Variants in FHIT observed in about 807,000 individuals in gnomAD.
FHIT encodes the protein fragile histidine triad diadenosine triphosphatase.
In FHIT, 19 loss-of-function variants were observed where a neutral mutation model predicts 17.9. That is an observed-to-expected ratio of 1.06 (90% CI 0.74 to 1.56). FHIT has a LOEUF of 1.56. Among genes scored for constraint, FHIT ranks in the 40% most tolerant of loss-of-function variants. The pLI, the probability that FHIT is intolerant of heterozygous loss-of-function variation, is 0.00. For synonymous variants in FHIT, 81 were observed against 69.7 expected (o/e 1.16, Z -0.81); for missense variants, 248 against 189.2 (o/e 1.31, Z -1.82).
Position 60,126,861 on chromosome 3 carries a change from A to G in FHIT, c.104-112709T>C, listed in dbSNP as rs183174992. Among the ~76,000 whole-genome samples the G allele has an allele frequency of 2.9e-4, 44 of 152,292 alleles. No individual in the cohort carries two copies. The East Asian group carries it at 8.3e-3, about 29-fold the overall frequency. On this transcript the variant is annotated intron_variant, in intron 5 of 9. Coordinates refer to ENST00000492590, the MANE Select transcript of FHIT (RefSeq NM_002012.4). The stretch of plus-strand genomic sequence containing the variant: ...GACCTGAAATGTGCCCTCTTATCAT[A>G]TCTACTCACCAACTGGCTTGTGAGT...
intron 5 of FHIT, among the ~76,000 whole-genome samples, chr3:60,454,399 T>C (rs897582622): frequency 1.2e-4 from 18 of 151,616 alleles, no homozygotes; most frequent in South Asian, 4.2e-4. Flanking sequence ...TTTTTTTTTT[T>C]CTTGAGACAG....
At chr3:60,343,696 T>C (rs933882432) in intron 5 of FHIT, among the ~76,000 whole-genome samples, 1 of 152,216 alleles carries the variant, frequency 6.6e-6, no homozygotes, top group African/African-American at 2.4e-5. Context: ...TATCACTATC[T>C]ATAGTAGAAT....
At chr3:60,035,983 C>T (rs1338197452) in intron 5 of FHIT, among the ~76,000 whole-genome samples, 1 of 152,192 alleles carries the variant, frequency 6.6e-6, no homozygotes, top group African/African-American at 2.4e-5. Context: ...ATCTCTGGCA[C>T]TCTGATATCC....
At chr3:60,085,449 T>A (rs1220285151) in intron 5 of FHIT, among the ~76,000 whole-genome samples, 1 of 152,156 alleles carries the variant, frequency 6.6e-6, no homozygotes, top group Non-Finnish European at 1.5e-5. Flanking sequence ...AACTGATGCA[T>A]GTGTATATAT....
chr3:60,561,418 C>T (rs1027925387), intron 4 of FHIT, among the ~76,000 whole-genome samples: 2 of 151,834 alleles, frequency 1.3e-5, no homozygotes, highest in African/African-American at 2.4e-5. Flanking sequence ...TTACAAGTCG[C>T]TATTGATAGA....
intron 5 of FHIT, among the ~76,000 whole-genome samples, chr3:60,067,229 G>A (rs1423106868): frequency 2.0e-5 from 3 of 152,160 alleles, no homozygotes; most frequent in South Asian, 4.2e-4. Flanking sequence ...CTAAAAAATG[G>A]CACTTATAGA....
intron 5 of FHIT, among the ~76,000 whole-genome samples, chr3:60,236,974 T>C (rs555958936): frequency 7.2e-5 from 11 of 152,262 alleles, no homozygotes; most frequent in South Asian, 6.2e-4. Context: ...ATCTCAGAGA[T>C]AGATAGTCCC....
chr3:60,120,490 C>A (rs1226664061), intron 5 of FHIT, among the ~76,000 whole-genome samples: 2 of 152,180 alleles, frequency 1.3e-5, no homozygotes, highest in Admixed American at 6.5e-5. Flanking sequence ...GAAGCACAAT[C>A]TTCCTGCTCC....
At chr3:60,155,803 C>G (rs905750521) in intron 5 of FHIT, among the ~76,000 whole-genome samples, 2 of 152,094 alleles carry the variant, frequency 1.3e-5, no homozygotes, top group Non-Finnish European at 2.9e-5. Context: ...GTAACAAACA[C>G]ATGTCAAGGG....
At chr3:61,188,036 G>A (rs913812917) in intron 2 of FHIT, among the ~76,000 whole-genome samples, 1 of 152,116 alleles carries the variant, frequency 6.6e-6, no homozygotes, top group Non-Finnish European at 1.5e-5. Flanking sequence ...AGAAGCAAGA[G>A]CAAACACATT....
intron 7 of FHIT, among the ~76,000 whole-genome samples, chr3:59,932,899 AT>A (rs912738832): frequency 2.0e-5 from 3 of 152,056 alleles, no homozygotes; most frequent in African/African-American, 7.2e-5. Flanking sequence ...CCTATCTCTA[AT>A]TTTTTGCTCC....
At chr3:60,219,794 A>G (rs1283589761) in intron 5 of FHIT, among the ~76,000 whole-genome samples, 1 of 151,978 alleles carries the variant, frequency 6.6e-6, no homozygotes, top group Non-Finnish European at 1.5e-5. Flanking sequence ...TTAGGCTAAC[A>G]CCCCTTCTAA....
At chr3:59,961,189 G>A (rs1020211922) in intron 7 of FHIT, among the ~76,000 whole-genome samples, 1 of 152,022 alleles carries the variant, frequency 6.6e-6, no homozygotes, top group Non-Finnish European at 1.5e-5. Context: ...TCTCATCTTC[G>A]ATCTTACTGC....
chr3:60,124,817 G>A (rs1351913626), intron 5 of FHIT, among the ~76,000 whole-genome samples: 2 of 152,078 alleles, frequency 1.3e-5, no homozygotes, highest in African/African-American at 2.4e-5. Context: ...TGACTCTCTC[G>A]ACTTTGCTCC....
rs561268701 is a variant in FHIT, at chr3:61,175,281, A to G, written c.-164+25336T>C. On this transcript the variant is annotated intron_variant, in intron 2 of 9. Transcript: ENST00000492590. ...GTATTCTCTCCTGAAGAAATACCAGATAGGTAAAATATACTCCCGAGCCAC... is the reference window on the plus strand; with the variant it reads ...GTATTCTCTCCTGAAGAAATACCAGGTAGGTAAAATATACTCCCGAGCCAC... Among the ~76,000 whole-genome samples the G allele has an allele frequency of 2.0e-5, 3 of 152,290 alleles. No individual in the cohort carries two copies. In the East Asian group the frequency reaches 5.8e-4, roughly 29 times the overall value.
At chr3:60,394,309 T>C (rs1407343099) in intron 5 of FHIT, among the ~76,000 whole-genome samples, 1 of 152,172 alleles carries the variant, frequency 6.6e-6, no homozygotes, top group African/African-American at 2.4e-5. Flanking sequence ...CAACCCACTC[T>C]CTATGCAATT....
rs150295130 is a variant in FHIT at position 60,283,230 on chromosome 3, TAC to T, written c.103+253628_103+253629del. Among the ~76,000 whole-genome samples the T allele has an allele frequency of 9.2e-4, 140 of 151,766 alleles. 2 individuals carry two copies. Among genetic ancestry groups the T allele is most frequent in the Non-Finnish European group, 1.4e-3 (93 of 67,854 alleles). ...TAGGAGAGCGAAAAACAGGGATATA[TAC>T]ACACACACACATACACACACACATA... On this transcript the variant is annotated intron_variant, in intron 5 of 9. Transcript: ENST00000492590.
At chr3:59,943,449 T>C (rs1415897356) in intron 7 of FHIT, among the ~76,000 whole-genome samples, 1 of 152,134 alleles carries the variant, frequency 6.6e-6, no homozygotes, top group Non-Finnish European at 1.5e-5. Context: ...TTGAAATGCC[T>C]CCCTTCTCCC....
Position 60,549,905 on chromosome 3 carries a change from T to C in FHIT, c.-17-12926A>G, listed in dbSNP as rs1292100009. ...TGTAAAAAATAATCTGCTATTTTTA[T>C]ACCCTGGCATTACTCAGTGAATGGC... is the stretch of plus-strand genomic sequence containing the variant. On this transcript the variant is annotated intron_variant, in intron 4 of 9. Coordinates refer to ENST00000492590, the MANE Select transcript of FHIT (RefSeq NM_002012.4). 2.6e-5 allele frequency among the ~76,000 whole-genome samples: 4 copies of C among 152,332 alleles called. No homozygotes were observed. In the East Asian group the frequency reaches 5.8e-4, roughly 22 times the overall value.
Sources: allele counts gnomAD v4.1 joint callset (sites outside exome capture counted in the v4.1 genomes callset), GRCh38; gene constraint gnomAD v4.1.1; transcripts MANE v1.5; gene names NCBI Gene and HGNC (gene_info 2026-07-23, HGNC 2026-07-21).